Variants in INSC observed in about 807,000 individuals in gnomAD.
INSC encodes INSC spindle orientation adaptor protein.
INSC carries 67 observed loss-of-function variants against 58.6 expected under a neutral mutation model. The observed-to-expected ratio is 1.14, with a 90% CI of 0.94 to 1.40. INSC has a LOEUF of 1.40. INSC is among the 40% of genes most tolerant of loss of function. The pLI is 0.00. For synonymous variants in INSC, 262 were observed against 276.1 expected, an observed-to-expected ratio of 0.95 and a Z score of 0.51; for missense variants, 714 against 692.0, an observed-to-expected ratio of 1.03 and a Z score of -0.36.
Position 15,240,475 on chromosome 11 carries a change from A to G in INSC, c.1422A>G (p.Arg474=). ...TGTCCCGTCTCATCGAGCTCTGCAGATCCCCATCAGAGAGGAACAGCAGTG... is the reference window on the plus strand; with the variant it reads ...TGTCCCGTCTCATCGAGCTCTGCAGGTCCCCATCAGAGAGGAACAGCAGTG... ...SCMSRLIELC[R]SPSERNSSDA... The change falls in exon 12 of 13, where the codon AGA becomes AGG. Residue 474 remains arginine, a synonymous_variant. Transcript: ENST00000379556. 6.2e-7 allele frequency: 1 copy of G among 1,613,902 alleles called. No homozygotes were observed. The highest frequency in any genetic ancestry group is 8.5e-7 in the Non-Finnish European group (1 of 1,179,946).
intron 1 of INSC, among the ~76,000 whole-genome samples, chr11:15,118,226 T>C (rs1847782638): frequency 6.6e-6 from 1 of 152,166 alleles, no homozygotes; most frequent in Non-Finnish European, 1.5e-5. Flanking sequence ...CCTGGGTCTG[T>C]GAGGCTAAGT....
rs551257106 is a variant in INSC, at chr11:15,140,186, T to G, written c.-45-8944T>G. ...CACATGGGCATCAGTGAGGACACCT[T>G]GACACTGGGCTCCTCTCTCTCTGAC... On this transcript the variant is annotated intron_variant, in intron 1 of 12. Coordinates refer to ENST00000379556, the MANE Select transcript of INSC (RefSeq NM_001042536.3). Among the ~76,000 whole-genome samples the G allele has an allele frequency of 1.1e-4, 16 of 152,302 alleles. No individual in the cohort carries two copies. The East Asian group carries it at 2.1e-3, about 20-fold the overall frequency.
intron 7 of INSC, among the ~76,000 whole-genome samples, chr11:15,221,245 G>T (rs1164481063): frequency 2.0e-5 from 3 of 151,996 alleles, no homozygotes; most frequent in Non-Finnish European, 2.9e-5. Flanking sequence ...CCCATGAAAG[G>T]TTACTGATCT....
intron 12 of INSC, chr11:15,241,669 T>G (rs748521050): frequency 1.1e-5 from 8 of 702,700 alleles, no homozygotes; most frequent in African/African-American, 1.7e-5. Flanking sequence ...TTTTGTATCT[T>G]TGGTACTCTG....
At chr11:15,188,409 G>C in intron 5 of INSC, 1 of 962,294 alleles carries the variant, frequency 1.0e-6, no homozygotes, top group Non-Finnish European at 1.2e-6. Flanking sequence ...AGAGGGGTCA[G>C]GGCCCGGCTC....
intron 1 of INSC, among the ~76,000 whole-genome samples, chr11:15,139,711 T>C (rs1848323699): frequency 1.3e-5 from 2 of 152,344 alleles, no homozygotes; most frequent in South Asian, 4.1e-4. Context: ...CACACAGCTA[T>C]TAATGGATGG....
At chr11:15,238,725 A>C (rs2133975303) in intron 10 of INSC, among the ~76,000 whole-genome samples, 194 bp from the exon 11 acceptor site, 1 of 152,314 alleles carries the variant, frequency 6.6e-6, no homozygotes, top group East Asian at 1.9e-4. Flanking sequence ...AAGTATAGTG[A>C]CTTGGTACAT....
upstream of INSC, chr11:15,112,523 G>A (rs1197065303): frequency 6.2e-7 from 1 of 1,612,578 alleles, no homozygotes; most frequent in Admixed American, 1.7e-5. Flanking sequence ...CAGGTGGCTG[G>A]GGTCTATGGG....
chr11:15,147,253 C>T (rs1792537), intron 1 of INSC, among the ~76,000 whole-genome samples: 106,651 of 151,890 alleles, frequency 0.7, 38,356 homozygotes, highest in Non-Finnish European at 0.76. Context: ...ACTGGCTCAC[C>T]AGATTCCAAA....
intron 9 of INSC, among the ~76,000 whole-genome samples, chr11:15,229,975 TATATTATATA>T (rs1356767131): frequency 3.6e-4 from 5 of 14,006 alleles, no homozygotes; most frequent in African/African-American, 5.6e-4. Context: ...TATATATATA[TATATTATATA>T]TATATATATA....
At chr11:15,228,360 G>T (rs974109768) in intron 9 of INSC, among the ~76,000 whole-genome samples, 9 of 152,186 alleles carry the variant, frequency 5.9e-5, no homozygotes, top group Non-Finnish European at 1.0e-4. Context: ...GGTAGGGAGA[G>T]AATGTGGTTG....
chr11:15,111,789 T>C (rs1847581029), upstream of INSC, among the ~76,000 whole-genome samples: 1 of 152,296 alleles, frequency 6.6e-6, no homozygotes, highest in Admixed American at 6.5e-5. Flanking sequence ...AAATGAAACA[T>C]GCACATAAGC....
chr11:15,143,654 C>T (rs936008328), intron 1 of INSC, among the ~76,000 whole-genome samples: 1 of 151,930 alleles, frequency 6.6e-6, no homozygotes, highest in African/African-American at 2.4e-5. Flanking sequence ...GTGTGGGGAA[C>T]AATTTAGAGA....
At chr11:15,227,622 G>T (rs550315470) in intron 9 of INSC, among the ~76,000 whole-genome samples, 194 of 152,286 alleles carry the variant, frequency 1.3e-3, no homozygotes, top group African/African-American at 4.2e-3. Flanking sequence ...TAGAGAGAAG[G>T]TATGACAGTA....
Position 15,200,890 on chromosome 11 carries a change from G to T in INSC, c.760G>T (p.Ala254Ser), listed in dbSNP as rs372620711. The change falls in exon 7 of 13, where the codon GCG (alanine) becomes TCG (serine). Residue 254 changes from alanine (A) to serine (S), a missense_variant. Ala to Ser is a moderately conservative substitution (Grantham distance 99). Coordinates refer to ENST00000379556, the MANE Select transcript of INSC (RefSeq NM_001042536.3). ...QDSFRCLYPQ[A>S]LRTLASICCV... is the part of the protein sequence containing the mutation. Reference sequence around the variant, plus strand: ...CAGTTTCCGGTGCTTGTACCCCCAGGCGCTCCGCACGCTGGCCTCCATCTG... The same window carrying T: ...CAGTTTCCGGTGCTTGTACCCCCAGTCGCTCCGCACGCTGGCCTCCATCTG... 8.7e-6 allele frequency: 14 copies of T among 1,613,744 alleles called. No individual in the cohort carries two copies. The African/African-American group carries it at 1.2e-4, about 14-fold the overall frequency.
chr11:15,261,589 G>A, the INSC span, among the ~76,000 whole-genome samples: 1 of 152,138 alleles, frequency 6.6e-6, no homozygotes, highest in Non-Finnish European at 1.5e-5. Context: ...GGGAAGTTAG[G>A]TGGTAACTAC....
At position 15,149,151 on chromosome 11, in the gene INSC, G is replaced by A. The variant is rs1848569574; in HGVS notation, c.-24G>A. Reference sequence around the variant, plus strand: ...TCAGGGTCACGACCGCTGCAAGCAGGCTTTGCTGCAGATTGGGATCAACAT... The same window carrying A: ...TCAGGGTCACGACCGCTGCAAGCAGACTTTGCTGCAGATTGGGATCAACAT... On this transcript the variant is annotated 5_prime_UTR_variant, in exon 2 of 13. Coordinates refer to ENST00000379556, the MANE Select transcript of INSC (RefSeq NM_001042536.3). 1 of 1,611,038 alleles carries A rather than the reference G, an allele frequency of 6.2e-7. No individual in the cohort carries two copies. Among genetic ancestry groups the A allele is most frequent in the Non-Finnish European group, 8.5e-7 (1 of 1,178,628 alleles).
intron 7 of INSC, among the ~76,000 whole-genome samples, chr11:15,207,195 G>A (rs1412152971): frequency 6.6e-6 from 1 of 152,198 alleles, no homozygotes; most frequent in Non-Finnish European, 1.5e-5. Flanking sequence ...GGCACTCAAA[G>A]CCCAAGGCTC....
intron 1 of INSC, among the ~76,000 whole-genome samples, chr11:15,128,979 G>C (rs1277523456): frequency 6.6e-6 from 1 of 152,206 alleles, no homozygotes; most frequent in Non-Finnish European, 1.5e-5. Context: ...GCTGCAGAAA[G>C]GGGCTTTTAA....
Sources: gnomAD v4.1 joint callset for allele counts (sites outside exome capture counted in the v4.1 genomes callset) on GRCh38, gnomAD v4.1.1 for gene constraint, MANE v1.5 for transcripts, NCBI Gene and HGNC (gene_info 2026-07-23, HGNC 2026-07-21) for gene names.